Variants in ZNF804B observed in about 807,000 individuals in gnomAD.
ZNF804B encodes zinc finger 804B.
A neutral mutation model predicts 101.4 loss-of-function variants in ZNF804B; 80 were observed. The ratio of observed to expected loss-of-function variants is 0.79; its 90% CI spans 0.66 to 0.95. The LOEUF (loss-of-function observed/expected upper bound fraction) is 0.95, where lower values mean the gene tolerates loss of function less well. Among genes scored for constraint, ZNF804B ranks in the 40% least tolerant of loss-of-function variants. ZNF804B has a pLI of 0.00. For missense variants in ZNF804B, 1,673 were observed against 1,561.9 expected (o/e 1.07, Z -1.20); for synonymous variants, 622 against 558.8 (o/e 1.11, Z -1.59).
At position 88,958,672 on chromosome 7, in the gene ZNF804B, C is replaced by T. The variant is rs749834462; in HGVS notation, c.108+198588C>T. 3.4e-4 allele frequency among the ~76,000 whole-genome samples: 52 copies of T among 151,544 alleles called. No individual in the cohort carries two copies. The Middle Eastern group carries it at 0.014, about 40-fold the overall frequency. On this transcript the variant is annotated intron_variant, in intron 1 of 3. Transcript: ENST00000333190. ...CGAAGGAGGTGTCACACAGTTTGGC[C>T]TTTAACCTACCTCTGGAGACTTTCA...
At position 89,336,219 on chromosome 7, in the gene ZNF804B, TAATA is replaced by T; in HGVS notation, c.3242_3245del (p.Lys1081IlefsTer4). 1 of 1,613,890 alleles carries T rather than the reference TAATA, an allele frequency of 6.2e-7. No individual in the cohort carries two copies. The highest frequency in any genetic ancestry group is 8.5e-7 in the Non-Finnish European group (1 of 1,179,982). ...ATGAATTCCCTGGTGCTTTTCCGTCTAATAAATATACTGGTGTGACTGATTCAAC... is the reference window on the plus strand; with the variant it reads ...ATGAATTCCCTGGTGCTTTTCCGTCTAATATACTGGTGTGACTGATTCAAC... On this transcript the variant is annotated frameshift_variant, in exon 4 of 4. Transcript: ENST00000333190. LOFTEE classifies it high-confidence loss of function.
At chr7:89,288,644 G>A (rs1263314505) in intron 2 of ZNF804B, among the ~76,000 whole-genome samples, 1 of 152,142 alleles carries the variant, frequency 6.6e-6, no homozygotes, top group Non-Finnish European at 1.5e-5. Flanking sequence ...TTGACACTCA[G>A]ATGAATCCTT....
intron 1 of ZNF804B, among the ~76,000 whole-genome samples, chr7:89,049,509 G>A (rs1012379465): frequency 6.6e-6 from 1 of 152,092 alleles, no homozygotes; most frequent in African/African-American, 2.4e-5. Flanking sequence ...AAATGCCTCT[G>A]CCCTTCTATT....
chr7:88,974,646 ATTATTT>A (rs1554350995), intron 1 of ZNF804B, among the ~76,000 whole-genome samples: 2 of 151,290 alleles, frequency 1.3e-5, no homozygotes, highest in Non-Finnish European at 3.0e-5. Flanking sequence ...AAATTTTAAA[ATTATTT>A]TTAATTTTTA....
chr7:88,815,197 T>C (rs1790857141), intron 1 of ZNF804B, among the ~76,000 whole-genome samples: 1 of 147,872 alleles, frequency 6.8e-6, no homozygotes, highest in Admixed American at 6.8e-5. Flanking sequence ...ATATATATTT[T>C]TATATATTCT....
At chr7:89,309,602 A>C (rs1790618039) in intron 2 of ZNF804B, among the ~76,000 whole-genome samples, 1 of 151,792 alleles carries the variant, frequency 6.6e-6, no homozygotes, top group South Asian at 2.1e-4. Flanking sequence ...TCTACTAAAA[A>C]TACAAAAATT....
chr7:89,136,711 G>T (rs995519356), intron 1 of ZNF804B, among the ~76,000 whole-genome samples: 1 of 149,968 alleles, frequency 6.7e-6, no homozygotes, highest in Non-Finnish European at 1.5e-5. Flanking sequence ...TCTTTTTAAG[G>T]CTGAATTATA....
intron 2 of ZNF804B, among the ~76,000 whole-genome samples, chr7:89,316,627 G>T (rs960323407): frequency 2.0e-5 from 3 of 152,120 alleles, no homozygotes; most frequent in Non-Finnish European, 2.9e-5. Context: ...GCAAGAACAT[G>T]CTAGATGTTC....
At chr7:89,272,779 A>G (rs1789917645) in intron 2 of ZNF804B, among the ~76,000 whole-genome samples, 1 of 152,072 alleles carries the variant, frequency 6.6e-6, no homozygotes. Context: ...AAAAGAAACA[A>G]TGTATACACC....
At chr7:89,266,875 GTT>G (rs1491351124) in intron 2 of ZNF804B, among the ~76,000 whole-genome samples, 25 of 147,840 alleles carry the variant, frequency 1.7e-4, no homozygotes, top group Non-Finnish European at 7.4e-5. Flanking sequence ...GTGTGTCTGT[GTT>G]TGTGTGTGTG....
intron 1 of ZNF804B, among the ~76,000 whole-genome samples, chr7:89,082,096 T>C (rs561131807): frequency 5.3e-5 from 8 of 151,886 alleles, no homozygotes; most frequent in African/African-American, 1.9e-4. Context: ...ACAACACTTA[T>C]CTACCAAAAT....
At chr7:88,968,503 T>G (rs934250616) in intron 1 of ZNF804B, among the ~76,000 whole-genome samples, 1 of 151,634 alleles carries the variant, frequency 6.6e-6, no homozygotes, top group Non-Finnish European at 1.5e-5. Flanking sequence ...ACATTTTAAT[T>G]TGTTGTGTTT....
chr7:88,960,803 T>G (rs1793376970), intron 1 of ZNF804B, among the ~76,000 whole-genome samples: 1 of 151,390 alleles, frequency 6.6e-6, no homozygotes, highest in Admixed American at 6.6e-5. Flanking sequence ...CTGAGTAGAC[T>G]TTTCATCTCC....
intron 1 of ZNF804B, among the ~76,000 whole-genome samples, chr7:88,769,344 T>A (rs975782184): frequency 6.6e-6 from 1 of 152,344 alleles, no homozygotes; most frequent in South Asian, 2.1e-4. Context: ...ACTGTTTTCA[T>A]GGCAATTTTT....
intron 1 of ZNF804B, among the ~76,000 whole-genome samples, chr7:89,199,971 C>T (rs1443098182): frequency 6.7e-6 from 1 of 148,532 alleles, no homozygotes; most frequent in African/African-American, 2.5e-5. Flanking sequence ...GATATAAATA[C>T]ATCTATAATA....
chr7:88,855,048 A>G (rs1791534160), intron 1 of ZNF804B, among the ~76,000 whole-genome samples: 1 of 152,088 alleles, frequency 6.6e-6, no homozygotes, highest in Non-Finnish European at 1.5e-5. Flanking sequence ...TATTGTGAAT[A>G]GTGCCACAAT....
chr7:89,262,642 G>T (rs1789728128), intron 2 of ZNF804B, among the ~76,000 whole-genome samples: 1 of 151,838 alleles, frequency 6.6e-6, no homozygotes, highest in African/African-American at 2.4e-5. Context: ...ATAACATTTG[G>T]AATTGCATTA....
At chr7:89,103,420 T>G (rs1790090569) in intron 1 of ZNF804B, among the ~76,000 whole-genome samples, 1 of 151,832 alleles carries the variant, frequency 6.6e-6, no homozygotes, top group South Asian at 2.1e-4. Flanking sequence ...GATTTGTAGT[T>G]CTTCTTGTAG....
At chr7:88,789,429 T>C (rs1790346642) in intron 1 of ZNF804B, among the ~76,000 whole-genome samples, 1 of 152,160 alleles carries the variant, frequency 6.6e-6, no homozygotes, top group Non-Finnish European at 1.5e-5. Flanking sequence ...TTACTGTTGT[T>C]ACACTGTTAT....
Sources: allele counts gnomAD v4.1 joint callset (sites outside exome capture counted in the v4.1 genomes callset), GRCh38; gene constraint gnomAD v4.1.1; transcripts MANE v1.5; gene names NCBI Gene and HGNC (gene_info 2026-07-23, HGNC 2026-07-21).